Variants in GPC3 observed in about 807,000 individuals in gnomAD.
GPC3 encodes the protein glypican-3.
Under a neutral mutation model 34.4 loss-of-function variants are expected in GPC3, and 3 were observed. That is an observed-to-expected ratio of 0.09 (90% CI 0.04 to 0.23). The LOEUF (loss-of-function observed/expected upper bound fraction) is 0.23. Among genes scored for constraint, GPC3 ranks in the 10% least tolerant of loss-of-function variants. GPC3 has a pLI of 1.00. For missense variants in GPC3, 351 were observed against 445.6 expected (o/e 0.79, Z 1.91); for synonymous variants, 177 against 174.0 (o/e 1.02, Z -0.13).
intron 2 of GPC3, among the ~76,000 whole-genome samples, chrX:133,911,187 C>A (rs1374826315): frequency 8.9e-6 from 1 of 112,454 alleles, no homozygotes. Context: ...ATGCTAACTA[C>A]TATGGGAGAC....
At chrX:133,732,632 T>C (rs758938788) in intron 3 of GPC3, among the ~76,000 whole-genome samples, 2 of 111,433 alleles carry the variant, frequency 1.8e-5, no homozygotes, top group Admixed American at 9.5e-5. Context: ...AGGGCAGATA[T>C]ACAGATGGCT....
intron 4 of GPC3, among the ~76,000 whole-genome samples, chrX:133,693,156 AGTGT>A (rs57735935): frequency 0.072 from 6,468 of 89,283 alleles, 262 homozygotes; most frequent in East Asian, 0.16. Flanking sequence ...TAATAAGACA[AGTGT>A]GTGTGTGTGT....
chrX:133,582,534 T>G (rs1189401662), intron 7 of GPC3, among the ~76,000 whole-genome samples: 1 of 112,618 alleles, frequency 8.9e-6, no homozygotes, highest in African/African-American at 3.2e-5. Context: ...GTACAGACAT[T>G]GAAAATAAGC....
intron 2 of GPC3, among the ~76,000 whole-genome samples, chrX:133,792,109 C>T (rs745779215): frequency 7.3e-5 from 8 of 109,775 alleles, no homozygotes; most frequent in African/African-American, 1.3e-4. Flanking sequence ...AAACTCCTGG[C>T]CTCAAGGGAT....
Position 133,858,352 on chromosome X carries a change from T to A in GPC3, c.337+94698A>T, listed in dbSNP as rs189746096. On this transcript the variant is annotated intron_variant, in intron 2 of 7. Coordinates refer to ENST00000370818, the MANE Select transcript of GPC3 (RefSeq NM_004484.4). ...AGCTAGAAAAGAGATGGAGGGATTG[T>A]CAAAGGTACTTTCTGTGGCTGGAGT... Among the ~76,000 whole-genome samples, 4 of 112,193 alleles carry A rather than the reference T, an allele frequency of 3.6e-5. No homozygotes were observed. The South Asian group carries it at 1.5e-3, about 42-fold the overall frequency.
chrX:133,874,761 A>G (rs957402367), intron 2 of GPC3, among the ~76,000 whole-genome samples: 2 of 112,300 alleles, frequency 1.8e-5, no homozygotes, highest in African/African-American at 3.2e-5. Flanking sequence ...CCATAGTCAA[A>G]TGTAAATATA....
chrX:133,810,160 C>T (rs1420796321), intron 2 of GPC3, among the ~76,000 whole-genome samples: 2 of 112,193 alleles, frequency 1.8e-5, no homozygotes, highest in African/African-American at 3.2e-5. Context: ...AGTTCATTAT[C>T]GAAGGAGAAA....
chrX:133,811,313 A>G (rs1336014080), intron 2 of GPC3, among the ~76,000 whole-genome samples: 1 of 112,099 alleles, frequency 8.9e-6, no homozygotes, highest in Non-Finnish European at 1.9e-5. Context: ...AAGGAGCTAT[A>G]CAAACAGTGA....
At chrX:133,769,557 C>T (rs993975510) in intron 2 of GPC3, among the ~76,000 whole-genome samples, 1 of 111,315 alleles carries the variant, frequency 9.0e-6, no homozygotes, top group Non-Finnish European at 1.9e-5. Context: ...TCAACTACAC[C>T]TCAATAAACT....
rs188787732 is a variant in GPC3, at chrX:133,760,784, T to A, written c.338-6608A>T. Among the ~76,000 whole-genome samples, 334 of 111,474 alleles carry A rather than the reference T, an allele frequency of 3.0e-3. 2 individuals are homozygous for A. Among genetic ancestry groups the A allele is most frequent in the African/African-American group, 0.01 (314 of 30,766 alleles). On this transcript the variant is annotated intron_variant, in intron 2 of 7. Coordinates refer to ENST00000370818, the MANE Select transcript of GPC3 (RefSeq NM_004484.4). ...CTTAATGTAAACATATGGGCTTTGGTTAATAATAATGTATCAATATTGGTT... is the reference window on the plus strand; with the variant it reads ...CTTAATGTAAACATATGGGCTTTGGATAATAATAATGTATCAATATTGGTT...
intron 7 of GPC3, among the ~76,000 whole-genome samples, chrX:133,544,302 G>A (rs1216186267): frequency 1.8e-5 from 2 of 111,626 alleles, no homozygotes; most frequent in African/African-American, 3.3e-5. Context: ...CAACTACCAC[G>A]CTGGACCTTC....
intron 4 of GPC3, among the ~76,000 whole-genome samples, chrX:133,692,715 T>C (rs765182447): frequency 8.9e-6 from 1 of 112,464 alleles, no homozygotes; most frequent in Non-Finnish European, 1.9e-5. Context: ...AGGTGCTGTT[T>C]CTATCAGAAG....
intron 6 of GPC3, among the ~76,000 whole-genome samples, chrX:133,618,368 T>G (rs775594166): frequency 1.8e-5 from 2 of 111,745 alleles, no homozygotes; most frequent in Admixed American, 9.5e-5. Context: ...AATGCTCTTT[T>G]CATTCATAAT....
chrX:133,985,000 ACGGG>A (rs1404160120), intron 1 of GPC3, among the ~76,000 whole-genome samples: 4 of 111,532 alleles, frequency 3.6e-5, no homozygotes, highest in African/African-American at 9.8e-5. Context: ...CTTCCAAAAA[ACGGG>A]CGCTCACGAG....
intron 6 of GPC3, among the ~76,000 whole-genome samples, chrX:133,598,866 G>A (rs144228745): frequency 0.063 from 7,011 of 111,611 alleles, 569 homozygotes; most frequent in African/African-American, 0.22. Flanking sequence ...CTTTCATTAT[G>A]TGATATAAAA....
At chrX:133,979,010 A>T (rs887168948) in intron 1 of GPC3, among the ~76,000 whole-genome samples, 1 of 112,532 alleles carries the variant, frequency 8.9e-6, no homozygotes, top group African/African-American at 3.2e-5. Context: ...TCACTGTGGA[A>T]ATTTTGAAAA....
At position 133,707,382 on chromosome X, in the gene GPC3, T is replaced by A. The variant is rs149390910; in HGVS notation, c.1033-7354A>T. Among the ~76,000 whole-genome samples, 62 of 111,990 alleles carry A rather than the reference T, an allele frequency of 5.5e-4. 1 individual carries two copies. Among genetic ancestry groups the A allele is most frequent in the Non-Finnish European group, 2.6e-4 (14 of 53,164 alleles). On this transcript the variant is annotated intron_variant, in intron 3 of 7. Coordinates refer to ENST00000370818, the MANE Select transcript of GPC3 (RefSeq NM_004484.4). ...AAAAAAGTTATTTGAAACTGTGATG[T>A]TTTTATGTTTCTGAAACATATATTT...
chrX:133,585,221 A>G (rs1436303120), intron 7 of GPC3, among the ~76,000 whole-genome samples: 1 of 111,994 alleles, frequency 8.9e-6, no homozygotes, highest in Non-Finnish European at 1.9e-5. Context: ...AAAAACCTAA[A>G]GGACTGCACT....
chrX:133,657,895 A>G (rs1382192957), intron 6 of GPC3, among the ~76,000 whole-genome samples: 1 of 94,772 alleles, frequency 1.1e-5, no homozygotes, highest in Non-Finnish European at 2.0e-5. Context: ...TGGGGCATAC[A>G]TGCAGAGAGA....
Sources: gnomAD v4.1 joint callset for allele counts (sites outside exome capture counted in the v4.1 genomes callset) on GRCh38, gnomAD v4.1.1 for gene constraint, MANE v1.5 for transcripts, NCBI Gene and HGNC (gene_info 2026-07-23, HGNC 2026-07-21) for gene names.